The following FAM117B variants were observed in gnomAD, a reference collection of about 807,000 sequenced individuals.
The protein encoded by FAM117B is protein FAM117B.
A neutral mutation model predicts 52.8 loss-of-function variants in FAM117B; 22 were observed. That is an observed-to-expected ratio of 0.42 (90% confidence interval 0.30 to 0.59). The LOEUF (loss-of-function observed/expected upper bound fraction) is 0.59, where lower values mean the gene tolerates loss of function less well. FAM117B is among the 20% of genes least tolerant of loss of function. The pLI is 0.22. For synonymous variants in FAM117B, 309 were observed against 324.1 expected (o/e 0.95, Z 0.50); for missense variants, 678 against 802.6 (o/e 0.84, Z 1.88).
At position 202,767,110 on chromosome 2, in the gene FAM117B, C is replaced by T. The variant is rs1383081057; in HGVS notation, c.*1346C>T. The T allele has an allele frequency of 6.6e-6, 1 of 150,928 alleles. No homozygotes were observed. The highest frequency in any genetic ancestry group is 1.5e-5 in the Non-Finnish European group (1 of 67,860). 9.3% of individuals were successfully genotyped at this position (150,928 alleles called of 1,614,324 possible). ...ATAAATCACTGCCAGTATCACATGA[C>T]ATCAGTATGTGATTTCTGGGTATGT... On this transcript the variant is annotated 3_prime_UTR_variant, in exon 8 of 8. Transcript: ENST00000392238.
At chr2:202,744,743 G>T (rs1434012133) in intron 4 of FAM117B, among the ~76,000 whole-genome samples, 2 of 151,570 alleles carry the variant, frequency 1.3e-5, no homozygotes, top group Non-Finnish European at 2.9e-5. Context: ...GGAGTACAAG[G>T]TGGGCAGATC....
intron 1 of FAM117B, among the ~76,000 whole-genome samples, chr2:202,688,788 G>A (rs1383604213): frequency 1.3e-5 from 2 of 152,066 alleles, no homozygotes; most frequent in East Asian, 3.9e-4. Context: ...TTCAGTAAAA[G>A]GCAATTTGGC....
chr2:202,754,041 G>A lies in FAM117B; in HGVS notation c.961-1497G>A, dbSNP rs9677630. On this transcript the variant is annotated intron_variant, in intron 4 of 7. Coordinates refer to ENST00000392238, the MANE Select transcript of FAM117B (RefSeq NM_173511.4). ...CCATTACTGAATATATACCCAAAGGGTTATAAATCATTCTACTATAAAGAC... is the reference window on the plus strand; with the variant it reads ...CCATTACTGAATATATACCCAAAGGATTATAAATCATTCTACTATAAAGAC... 4.6e-5 allele frequency among the ~76,000 whole-genome samples: 7 copies of A among 152,188 alleles called. No homozygotes were observed. The South Asian group carries it at 1.2e-3, about 27-fold the overall frequency.
intron 1 of FAM117B, among the ~76,000 whole-genome samples, chr2:202,644,537 A>G (rs1432871541): frequency 3.3e-5 from 5 of 152,146 alleles, no homozygotes. Context: ...TTCCCTGGGA[A>G]TTCTCTTCAC....
intron 1 of FAM117B, among the ~76,000 whole-genome samples, chr2:202,685,648 T>G (rs1321773486): frequency 6.6e-6 from 1 of 152,236 alleles, no homozygotes; most frequent in African/African-American, 2.4e-5. Context: ...TAATTCACAC[T>G]TCTCGATAAA....
intron 1 of FAM117B, among the ~76,000 whole-genome samples, chr2:202,673,433 G>GTTTTTTTTTTTTCTTTTTTTT (rs1690328831): frequency 2.7e-5 from 1 of 37,510 alleles, no homozygotes; most frequent in Non-Finnish European, 4.0e-5. Flanking sequence ...TTCTTTTTCT[G>GTTTTTTTTTTTTCTTTTTTTT]TTTTTTTTTT....
intron 1 of FAM117B, among the ~76,000 whole-genome samples, chr2:202,665,985 C>T (rs1415137211): frequency 1.3e-5 from 2 of 152,216 alleles, no homozygotes; most frequent in Non-Finnish European, 2.9e-5. Flanking sequence ...ATCCTACTCA[C>T]TGGTAGTGAC....
chr2:202,754,173 C>A (rs1043490898), intron 4 of FAM117B, among the ~76,000 whole-genome samples: 9 of 152,158 alleles, frequency 5.9e-5, no homozygotes, highest in African/African-American at 2.2e-4. Context: ...GGTACATATA[C>A]TTCATGGAAT....
Position 202,733,391 on chromosome 2 carries a change from C to T in FAM117B, c.960+7028C>T, listed in dbSNP as rs374791465. Among the ~76,000 whole-genome samples the T allele has an allele frequency of 1.1e-4, 17 of 152,232 alleles. No individual in the cohort carries two copies. The East Asian group carries it at 2.1e-3, about 19-fold the overall frequency. Reference sequence around the variant, plus strand: ...GAGAACTGGTCTGACCTCAAATTTACCAGGACGGGATCTTTTCCCCACCCT... The same window carrying T: ...GAGAACTGGTCTGACCTCAAATTTATCAGGACGGGATCTTTTCCCCACCCT... On this transcript the variant is annotated intron_variant, in intron 4 of 7. Transcript: ENST00000392238.
chr2:202,641,550 T>G (rs73992629), intron 1 of FAM117B, among the ~76,000 whole-genome samples: 134 of 152,306 alleles, frequency 8.8e-4, no homozygotes, highest in African/African-American at 3.2e-3. Context: ...GGGATACTAA[T>G]GATACTTACC....
At chr2:202,721,279 T>G (rs1233147489) in intron 2 of FAM117B, among the ~76,000 whole-genome samples, 1 of 152,216 alleles carries the variant, frequency 6.6e-6, no homozygotes, top group Non-Finnish European at 1.5e-5. Context: ...CATCATGATT[T>G]TAGCCTGAAG....
rs1218902623 is a variant in FAM117B, at chr2:202,755,826, T to C, written c.1104+145T>C. 9 of 783,136 alleles carry C rather than the reference T, an allele frequency of 1.1e-5. No individual in the cohort carries two copies. The East Asian group carries it at 2.5e-4, about 21-fold the overall frequency. 48.5% of individuals were successfully genotyped at this position (783,136 alleles called of 1,614,324 possible). Reference sequence around the variant, plus strand: ...TCTTTTGAAAAATCTTTGACCTGGGTGAGTGAATGAAAAGTTTTCATTTTG... The same window carrying C: ...TCTTTTGAAAAATCTTTGACCTGGGCGAGTGAATGAAAAGTTTTCATTTTG... On this transcript the variant is annotated intron_variant, in intron 5 of 7. Coordinates refer to ENST00000392238, the MANE Select transcript of FAM117B (RefSeq NM_173511.4).
intron 4 of FAM117B, among the ~76,000 whole-genome samples, chr2:202,728,110 G>T (rs1008846452): frequency 2.1e-4 from 32 of 152,220 alleles, no homozygotes; most frequent in African/African-American, 7.2e-4. Flanking sequence ...CTGCTGAGTA[G>T]ATGAGACTAC....
At chr2:202,640,275 A>C (rs759350872) in intron 1 of FAM117B, among the ~76,000 whole-genome samples, 141 of 128,504 alleles carry the variant, frequency 1.1e-3, no homozygotes, top group African/African-American at 2.8e-3. Context: ...CCGTCACAAC[A>C]ACCACCACCA....
At chr2:202,641,522 CACTTT>C (rs969316592) in intron 1 of FAM117B, among the ~76,000 whole-genome samples, 24 of 152,112 alleles carry the variant, frequency 1.6e-4, no homozygotes, top group African/African-American at 5.8e-4. Context: ...TAGGCAAGTT[CACTTT>C]ACTTGTAAAA....
chr2:202,657,792 T>G (rs373898660), intron 1 of FAM117B, among the ~76,000 whole-genome samples: 2 of 152,166 alleles, frequency 1.3e-5, no homozygotes, highest in African/African-American at 4.8e-5. Flanking sequence ...CCCCTTCTGC[T>G]TTTTGTTCCA....
At chr2:202,733,615 C>A (rs1412239753) in intron 4 of FAM117B, among the ~76,000 whole-genome samples, 1 of 152,206 alleles carries the variant, frequency 6.6e-6, no homozygotes, top group African/African-American at 2.4e-5. Flanking sequence ...CATTTATAGG[C>A]TCTCTGTAAG....
chr2:202,739,836 A>G lies in FAM117B; in HGVS notation c.960+13473A>G, dbSNP rs144099217. The stretch of plus-strand genomic sequence containing the variant: ...TGAGATGAACAATGAAAAATGTGTC[A>G]TGTCCAAATTGTTTTTCAGATTAAA... On this transcript the variant is annotated intron_variant, in intron 4 of 7. Transcript: ENST00000392238. Among the ~76,000 whole-genome samples, 27 of 152,032 alleles carry G rather than the reference A, an allele frequency of 1.8e-4. 1 individual carries two copies. Among genetic ancestry groups the G allele is most frequent in the African/African-American group, 6.3e-4 (26 of 41,448 alleles).
intron 4 of FAM117B, among the ~76,000 whole-genome samples, chr2:202,744,924 C>A (rs1178032490): frequency 1.5e-5 from 2 of 136,312 alleles, no homozygotes; most frequent in Non-Finnish European, 3.1e-5. Flanking sequence ...TTGCAATGAG[C>A]CAAGATTGCG....
Sources: allele counts gnomAD v4.1 joint callset (sites outside exome capture counted in the v4.1 genomes callset), GRCh38; gene constraint gnomAD v4.1.1; transcripts MANE v1.5; gene names NCBI Gene and HGNC (gene_info 2026-07-23, HGNC 2026-07-21).